The following CYRIB variants were observed in gnomAD, a reference collection of about 807,000 sequenced individuals.
The protein encoded by CYRIB is CYFIP-related Rac1 interactor B.
Under a neutral mutation model 44.2 loss-of-function variants are expected in CYRIB, and 8 were observed. That is an observed-to-expected ratio of 0.18 (90% confidence interval 0.11 to 0.33). CYRIB has a LOEUF of 0.33. Ranked by LOEUF, CYRIB falls within the 10% of genes least tolerant of loss-of-function variation. CYRIB has a pLI of 1.00. For missense variants in CYRIB, 185 were observed against 382.8 expected (o/e 0.48, Z 4.31); for synonymous variants, 131 against 127.2 (o/e 1.03, Z -0.20).
At chr8:129,968,386 A>T (rs1302132264) in intron 2 of CYRIB, among the ~76,000 whole-genome samples, 1 of 152,008 alleles carries the variant, frequency 6.6e-6, no homozygotes, top group African/African-American at 2.4e-5. Flanking sequence ...TTTTTATATC[A>T]TCCTTAGTTC....
intron 2 of CYRIB, among the ~76,000 whole-genome samples, chr8:129,883,112 CAAAAAAA>C (rs34764499): frequency 0.015 from 636 of 41,272 alleles, 3 homozygotes; most frequent in Non-Finnish European, 0.023. Flanking sequence ...GACTCCCTCT[CAAAAAAA>C]AAAAAAAAAA....
rs545671003 is a variant in CYRIB, at chr8:129,957,426, A to T, written c.-243+13517T>A. On this transcript the variant is annotated intron_variant, in intron 2 of 14. Coordinates refer to the CYRIB transcript ENST00000401979. ...TGGTAGAAATTTGGATAGTTAAATCAGTTATCATCAGTAATAACCTAGAAG... is the reference window on the plus strand; with the variant it reads ...TGGTAGAAATTTGGATAGTTAAATCTGTTATCATCAGTAATAACCTAGAAG... Among the ~76,000 whole-genome samples the T allele has an allele frequency of 5.3e-5, 8 of 152,362 alleles. No individual in the cohort carries two copies. In the East Asian group the frequency reaches 1.5e-3, roughly 29 times the overall value.
intron 1 of CYRIB, among the ~76,000 whole-genome samples, chr8:129,997,770 C>T (rs1286366222): frequency 6.6e-6 from 1 of 152,102 alleles, no homozygotes; most frequent in Non-Finnish European, 1.5e-5. Flanking sequence ...TTTGCAGGTT[C>T]CTTGGGGACA....
At chr8:129,899,845 C>A (rs2070511443) in intron 2 of CYRIB, among the ~76,000 whole-genome samples, 1 of 152,158 alleles carries the variant, frequency 6.6e-6, no homozygotes, top group Non-Finnish European at 1.5e-5. Context: ...TGCAGAAGTA[C>A]TATTTTGTGT....
intron 1 of CYRIB, among the ~76,000 whole-genome samples, chr8:129,929,380 G>A (rs1220979882): frequency 6.6e-6 from 1 of 152,084 alleles, no homozygotes; most frequent in East Asian, 1.9e-4. Context: ...TAGTATGGAA[G>A]ATGAATACGA....
rs141049306 is a variant in CYRIB at position 129,997,674 on chromosome 8, C to T, written c.-296+18696G>A. Among the ~76,000 whole-genome samples, 1,174 of 152,288 alleles carry T rather than the reference C, an allele frequency of 7.7e-3. 19 individuals are homozygous for T. Among genetic ancestry groups the T allele is most frequent in the African/African-American group, 0.027 (1,103 of 41,544 alleles). On this transcript the variant is annotated intron_variant, in intron 1 of 14. Transcript: ENST00000401979. ...TCCTCTGGACAGAGCCAGAGAATCACGATGCAGCTAATGTGGGTTCCCCTC... is the reference window on the plus strand; with the variant it reads ...TCCTCTGGACAGAGCCAGAGAATCATGATGCAGCTAATGTGGGTTCCCCTC...
At chr8:129,877,777 TC>T (rs1037798993) in intron 3 of CYRIB, among the ~76,000 whole-genome samples, 4 of 151,608 alleles carry the variant, frequency 2.6e-5, no homozygotes, top group African/African-American at 9.7e-5. Flanking sequence ...AATTCATGCT[TC>T]CCACTTGACC....
rs1454334547 is a variant in CYRIB, at chr8:129,982,932, A to G, written c.-295-11937T>C. Among the ~76,000 whole-genome samples, 3 of 151,754 alleles carry G rather than the reference A, an allele frequency of 2.0e-5. No homozygotes were observed. In the East Asian group the frequency reaches 5.8e-4, roughly 29 times the overall value. On this transcript the variant is annotated intron_variant, in intron 1 of 14. Coordinates refer to the CYRIB transcript ENST00000401979. ...CAACACAGTCTAGGTACAAACATAC[A>G]TGTCCAGCTCTCCAAAATGTATACA...
chr8:129,999,447 C>A (rs1168484788), intron 1 of CYRIB, among the ~76,000 whole-genome samples: 1 of 152,238 alleles, frequency 6.6e-6, no homozygotes, highest in Non-Finnish European at 1.5e-5. Flanking sequence ...GCAAGGCCCA[C>A]GTGCGCCACG....
At chr8:129,880,993 T>C (rs1389667749) in intron 2 of CYRIB, among the ~76,000 whole-genome samples, 1 of 152,202 alleles carries the variant, frequency 6.6e-6, no homozygotes, top group Non-Finnish European at 1.5e-5. Context: ...TGATATCTTC[T>C]GTCTCCTAAG....
At chr8:129,955,881 C>T (rs759687838) in intron 2 of CYRIB, among the ~76,000 whole-genome samples, 2 of 152,198 alleles carry the variant, frequency 1.3e-5, no homozygotes, top group Non-Finnish European at 2.9e-5. Flanking sequence ...AGCACCAATG[C>T]CTGAATCCAC....
intron 1 of CYRIB, among the ~76,000 whole-genome samples, chr8:130,013,713 G>C (rs1466225): frequency 0.6 from 90,748 of 151,978 alleles, 27,683 homozygotes; most frequent in African/African-American, 0.73. Context: ...CCTGTTCTTC[G>C]TGTGCATGGG....
intron 2 of CYRIB, among the ~76,000 whole-genome samples, chr8:129,946,338 A>G (rs1164312303): frequency 1.3e-5 from 2 of 152,154 alleles, no homozygotes; most frequent in South Asian, 2.1e-4. Context: ...TCGCTCCTCA[A>G]TTGAACATTC....
intron 9 of CYRIB, 60 bp from the exon 12 acceptor site, chr8:129,849,429 C>T: frequency 6.6e-7 from 1 of 1,510,078 alleles, no homozygotes; most frequent in Non-Finnish European, 8.9e-7. Context: ...TTTAAAAACA[C>T]ACACACACAA....
chr8:129,883,914 C>T (rs554663334), intron 2 of CYRIB, among the ~76,000 whole-genome samples: 4 of 152,346 alleles, frequency 2.6e-5, no homozygotes, highest in African/African-American at 9.6e-5. Context: ...ATTACTGTTG[C>T]AGCTGTCAGA....
chr8:129,995,600 T>C (rs888718844), intron 1 of CYRIB, among the ~76,000 whole-genome samples: 2 of 152,158 alleles, frequency 1.3e-5, no homozygotes, highest in Non-Finnish European at 2.9e-5. Context: ...CTCAGTAAGC[T>C]GGAGGAGAGG....
At position 129,970,381 on chromosome 8, in the gene CYRIB, G is replaced by A. The variant is rs533439361; in HGVS notation, c.-243+562C>T. 2.6e-5 allele frequency: 4 copies of A among 151,924 alleles called. No homozygotes were observed. In the East Asian group the frequency reaches 7.8e-4, roughly 29 times the overall value. 9.4% of individuals were successfully genotyped at this position (151,924 alleles called of 1,614,324 possible). ...ATGGTTTTCCGTGAAGGCCCTTATA[G>A]GGTTGACAAGACTACATTAGTTAAG... On this transcript the variant is annotated intron_variant, in intron 2 of 14. Coordinates refer to the CYRIB transcript ENST00000401979.
chr8:129,991,237 C>T (rs947368249), intron 1 of CYRIB, among the ~76,000 whole-genome samples: 6 of 151,862 alleles, frequency 4.0e-5, no homozygotes, highest in African/African-American at 1.2e-4. Flanking sequence ...TCTCTAGGCC[C>T]TAACACAGTG....
Position 129,996,325 on chromosome 8 carries a change from T to A in CYRIB, c.-296+20045A>T, listed in dbSNP as rs1385674202. 4.6e-5 allele frequency among the ~76,000 whole-genome samples: 7 copies of A among 152,096 alleles called. No individual in the cohort carries two copies. In the East Asian group the frequency reaches 1.3e-3, roughly 29 times the overall value. On this transcript the variant is annotated intron_variant, in intron 1 of 14. Transcript: ENST00000401979. ...AGACTTCCCTACATCACAAGCTCCC[T>A]GTATCAGCACTGGGTCTCCTTCTAT... is the stretch of plus-strand genomic sequence containing the variant.
Sources: allele counts gnomAD v4.1 joint callset (sites outside exome capture counted in the v4.1 genomes callset), GRCh38; gene constraint gnomAD v4.1.1; transcripts MANE v1.5; gene names NCBI Gene and HGNC (gene_info 2026-07-23, HGNC 2026-07-21).